Variants in CACNA2D3 observed in about 807,000 individuals in gnomAD.
CACNA2D3 encodes calcium voltage-gated channel auxiliary subunit alpha2delta 3, also known as voltage-dependent calcium channel subunit alpha-2/delta-3.
In CACNA2D3, 60 loss-of-function variants were observed where a neutral mutation model predicts 160.6. That is an observed-to-expected ratio of 0.37 (90% confidence interval 0.30 to 0.46). The LOEUF (loss-of-function observed/expected upper bound fraction) is 0.46, where lower values mean the gene tolerates loss of function less well. CACNA2D3 is among the 20% of genes least tolerant of loss of function. CACNA2D3 has a pLI of 1.00. For synonymous variants in CACNA2D3, 558 were observed against 492.9 expected (o/e 1.13, Z -1.75); for missense variants, 1,205 against 1,365.0 (o/e 0.88, Z 1.85).
chr3:54,760,363 G>A (rs1340403565), intron 12 of CACNA2D3, among the ~76,000 whole-genome samples: 4 of 152,168 alleles, frequency 2.6e-5, no homozygotes, highest in African/African-American at 7.2e-5. Context: ...TGGCATGTGA[G>A]AGGCGGGGAA....
In CACNA2D3 at chr3:54,939,516, C is replaced by T. The variant is rs545930398; in HGVS notation, c.2450-28934C>T. On this transcript the variant is annotated intron_variant, in intron 27 of 37. Transcript: ENST00000474759. ...CCATTTCTTCAGGGAGGCAGGGCCA[C>T]AGGGAAAAGAGGGCAGCCTGCTGTC... 9.8e-5 allele frequency among the ~76,000 whole-genome samples: 15 copies of T among 152,354 alleles called. No individual in the cohort carries two copies. In the South Asian group the frequency reaches 3.1e-3, roughly 32 times the overall value.
chr3:54,508,199 C>G (rs947468746), intron 5 of CACNA2D3, among the ~76,000 whole-genome samples: 1 of 152,188 alleles, frequency 6.6e-6, no homozygotes, highest in Non-Finnish European at 1.5e-5. Flanking sequence ...CCTGGAAGGG[C>G]TGGCCAGGTG....
intron 5 of CACNA2D3, among the ~76,000 whole-genome samples, chr3:54,539,227 A>G (rs954464994): frequency 2.0e-5 from 3 of 152,222 alleles, no homozygotes; most frequent in Non-Finnish European, 2.9e-5. Context: ...AGTGTGCATA[A>G]TAGGACCTTT....
chr3:54,657,900 A>G lies in CACNA2D3; in HGVS notation c.1167+15659A>G, dbSNP rs1699903092. ...AAAAATTAGCCTGGCATGGTGGCAC[A>G]TGCCTGTAATCCCAGCTACTCAGGA... On this transcript the variant is annotated intron_variant, in intron 11 of 37. Coordinates refer to ENST00000474759, the MANE Select transcript of CACNA2D3 (RefSeq NM_018398.3). 3.3e-5 allele frequency among the ~76,000 whole-genome samples: 5 copies of G among 152,232 alleles called. No individual in the cohort carries two copies. The South Asian group carries it at 1.0e-3, about 32-fold the overall frequency.
At chr3:54,862,799 T>C (rs760687767) in intron 17 of CACNA2D3, among the ~76,000 whole-genome samples, 5 of 152,168 alleles carry the variant, frequency 3.3e-5, no homozygotes, top group Non-Finnish European at 7.3e-5. Context: ...GTGGCATCTT[T>C]CGAAAGTTAA....
chr3:54,394,318 A>ATTTTTTTTTT (rs34291779), intron 4 of CACNA2D3, among the ~76,000 whole-genome samples: 46 of 139,302 alleles, frequency 3.3e-4, no homozygotes, highest in African/African-American at 1.1e-3. Flanking sequence ...GAGAGTGAAC[A>ATTTTTTTTTT]TTTTTTTTTT....
chr3:54,785,544 T>A (rs1575474409), intron 13 of CACNA2D3, among the ~76,000 whole-genome samples: 1 of 152,250 alleles, frequency 6.6e-6, no homozygotes. Flanking sequence ...TATGGGCCTC[T>A]CTTGTTTTCT....
At chr3:54,573,004 A>T (rs1019876505) in intron 8 of CACNA2D3, among the ~76,000 whole-genome samples, 1 of 152,198 alleles carries the variant, frequency 6.6e-6, no homozygotes, top group African/African-American at 2.4e-5. Flanking sequence ...GGTGACTAAG[A>T]TAATTAAAAG....
At chr3:54,808,969 A>C (rs1040302139) in intron 13 of CACNA2D3, among the ~76,000 whole-genome samples, 1 of 152,218 alleles carries the variant, frequency 6.6e-6, no homozygotes, top group Non-Finnish European at 1.5e-5. Flanking sequence ...GTTATGGGCC[A>C]GTTGTTTTCG....
At chr3:54,975,102 C>T (rs1702359277) in intron 29 of CACNA2D3, among the ~76,000 whole-genome samples, 1 of 152,202 alleles carries the variant, frequency 6.6e-6, no homozygotes, top group African/African-American at 2.4e-5. Context: ...CTCCACTGCA[C>T]TCTACTTCTC....
At chr3:54,224,394 T>C (rs1363744709) in intron 2 of CACNA2D3, among the ~76,000 whole-genome samples, 5 of 152,248 alleles carry the variant, frequency 3.3e-5, no homozygotes, top group Non-Finnish European at 7.3e-5. Flanking sequence ...TATTATGTAC[T>C]GTACGTAACT....
chr3:54,591,410 A>AG (rs1188663072), intron 9 of CACNA2D3, among the ~76,000 whole-genome samples: 1 of 152,172 alleles, frequency 6.6e-6, no homozygotes, highest in Non-Finnish European at 1.5e-5. Flanking sequence ...TGTGGCTGAG[A>AG]GGCAGGCCTT....
At chr3:54,494,467 GT>G (rs1188031883) in intron 4 of CACNA2D3, among the ~76,000 whole-genome samples, 1 of 152,168 alleles carries the variant, frequency 6.6e-6, no homozygotes, top group African/African-American at 2.4e-5. Context: ...TTAAATGGCA[GT>G]TTTGAAGCTG....
At chr3:54,722,834 C>A (rs1701194536) in intron 11 of CACNA2D3, among the ~76,000 whole-genome samples, 1 of 152,154 alleles carries the variant, frequency 6.6e-6, no homozygotes, top group Non-Finnish European at 1.5e-5. Context: ...CTGTCAGCCC[C>A]TACTGAGAGG....
chr3:54,251,482 T>C (rs1045186944), intron 2 of CACNA2D3, among the ~76,000 whole-genome samples: 2 of 152,242 alleles, frequency 1.3e-5, no homozygotes, highest in African/African-American at 4.8e-5. Context: ...AGGATTCCTT[T>C]TGGAAACATT....
At chr3:54,703,075 A>G (rs1700795117) in intron 11 of CACNA2D3, among the ~76,000 whole-genome samples, 2 of 152,186 alleles carry the variant, frequency 1.3e-5, no homozygotes, top group African/African-American at 2.4e-5. Flanking sequence ...CGGGGCTTAT[A>G]TGAGGGTGGA....
chr3:54,482,178 T>C (rs1700944108), intron 4 of CACNA2D3, among the ~76,000 whole-genome samples: 1 of 152,214 alleles, frequency 6.6e-6, no homozygotes, highest in African/African-American at 2.4e-5. Flanking sequence ...GCAGACGCAG[T>C]TGTTACTTGG....
intron 34 of CACNA2D3, 36 bp downstream of exon 34, chr3:55,009,479 G>C (rs1354790163): frequency 6.3e-7 from 1 of 1,594,818 alleles, no homozygotes; most frequent in African/African-American, 1.3e-5. Context: ...CCAGCTTGGA[G>C]GGATAAGCGC....
intron 2 of CACNA2D3, among the ~76,000 whole-genome samples, chr3:54,190,989 A>T (rs1700969222): frequency 6.6e-6 from 1 of 150,756 alleles, no homozygotes; most frequent in Admixed American, 6.6e-5. Context: ...GTGGGATAAT[A>T]CCAGAACCTG....
Sources: allele counts gnomAD v4.1 joint callset (sites outside exome capture counted in the v4.1 genomes callset), GRCh38; gene constraint gnomAD v4.1.1; transcripts MANE v1.5; gene names NCBI Gene and HGNC (gene_info 2026-07-23, HGNC 2026-07-21).